PUDP: variants seen among roughly 807,000 people sequenced by gnomAD.
PUDP encodes the protein pseudouridine 5'-phosphatase.
PUDP carries 8 observed loss-of-function variants against 9.4 expected under a neutral mutation model. The ratio of observed to expected loss-of-function variants is 0.85; its 90% CI spans 0.50 to 1.53. The LOEUF is 1.53. Among genes scored for constraint, PUDP ranks in the 40% most tolerant of loss-of-function variants. The pLI, the probability that PUDP is intolerant of heterozygous loss-of-function variation, is 0.00. For missense variants in PUDP, 188 were observed against 189.7 expected (o/e 0.99, Z 0.05); for synonymous variants, 99 against 80.7 (o/e 1.23, Z -1.22).
intron 1 of PUDP, among the ~76,000 whole-genome samples, chrX:7,018,607 T>C (rs1020220206): frequency 8.9e-6 from 1 of 112,754 alleles, no homozygotes; most frequent in Non-Finnish European, 1.9e-5. Flanking sequence ...TTGATTCCCA[T>C]GGAACACAAT....
chrX:6,741,274 G>T (rs1420331764), intron 3 of PUDP, among the ~76,000 whole-genome samples: 2 of 111,198 alleles, frequency 1.8e-5, no homozygotes, highest in African/African-American at 6.6e-5. Flanking sequence ...CAGTTTTTGA[G>T]AATTATCTAT....
intron 1 of PUDP, among the ~76,000 whole-genome samples, chrX:7,142,246 A>C (rs1374792710): frequency 1.8e-5 from 2 of 112,713 alleles, no homozygotes; most frequent in Non-Finnish European, 3.7e-5. Context: ...TTAGCATTCC[A>C]GATGCCATTC....
At chrX:6,983,752 A>T (rs981606407) in intron 1 of PUDP, among the ~76,000 whole-genome samples, 2 of 112,611 alleles carry the variant, frequency 1.8e-5, no homozygotes, top group Non-Finnish European at 3.8e-5. Flanking sequence ...GGCAAGAAAC[A>T]GAAGGCCGAT....
intron 3 of PUDP, among the ~76,000 whole-genome samples, chrX:6,802,228 A>G (rs890025217): frequency 1.2e-4 from 13 of 111,697 alleles, no homozygotes; most frequent in African/African-American, 4.2e-4. Context: ...TACAGGAGGA[A>G]AAACTGAGGC....
intron 1 of PUDP, among the ~76,000 whole-genome samples, chrX:7,013,673 G>A (rs1015275402): frequency 4.5e-5 from 5 of 112,111 alleles, no homozygotes; most frequent in African/African-American, 9.7e-5. Flanking sequence ...TGGCTCGCCC[G>A]CTTGGTCGCT....
intron 1 of PUDP, among the ~76,000 whole-genome samples, chrX:7,010,462 C>T (rs1467854408): frequency 8.9e-6 from 1 of 111,848 alleles, no homozygotes; most frequent in Non-Finnish European, 1.9e-5. Context: ...TGAACAGCCC[C>T]TTTAAAAGTC....
chrX:6,752,018 C>G (rs1925097703), intron 3 of PUDP, among the ~76,000 whole-genome samples: 1 of 111,371 alleles, frequency 9.0e-6, no homozygotes. Flanking sequence ...CTAAATTCCT[C>G]TTCTTCAGTC....
intron 1 of PUDP, among the ~76,000 whole-genome samples, chrX:7,108,241 G>T (rs769807899): frequency 6.0e-4 from 68 of 112,447 alleles, no homozygotes; most frequent in Non-Finnish European, 9.6e-4. Context: ...CAGAGGACTG[G>T]GCTCACTGAC....
intron 3 of PUDP, among the ~76,000 whole-genome samples, chrX:7,062,663 G>A (rs1930437237): frequency 9.1e-6 from 1 of 109,731 alleles, no homozygotes; most frequent in Non-Finnish European, 1.9e-5. Flanking sequence ...GGAGCAAGGG[G>A]TCAGGCTGAG....
At chrX:7,090,888 T>C (rs1441212823) in intron 2 of PUDP, among the ~76,000 whole-genome samples, 1 of 112,444 alleles carries the variant, frequency 8.9e-6, no homozygotes, top group Non-Finnish European at 1.9e-5. Flanking sequence ...CAAAGGTTAC[T>C]ACCACTGGCA....
intron 3 of PUDP, among the ~76,000 whole-genome samples, chrX:6,796,765 TA>T (rs1925850533): frequency 8.9e-6 from 1 of 111,734 alleles, no homozygotes; most frequent in South Asian, 3.7e-4. Context: ...TGTATGTTAA[TA>T]AAAAACAGGA....
chrX:6,898,849 T>G (rs1004052938), intron 3 of PUDP, among the ~76,000 whole-genome samples: 15 of 112,217 alleles, frequency 1.3e-4, no homozygotes, highest in Non-Finnish European at 2.8e-4. Flanking sequence ...AAGGAGGTGG[T>G]GGGCTGGATT....
At chrX:7,134,746 T>C (rs187116871) in intron 1 of PUDP, among the ~76,000 whole-genome samples, 27 of 112,148 alleles carry the variant, frequency 2.4e-4, no homozygotes, top group Non-Finnish European at 4.7e-4. Context: ...AAGGAAATGC[T>C]TTATGTTAAG....
intron 1 of PUDP, among the ~76,000 whole-genome samples, chrX:7,138,931 AAAC>A (rs780043208): frequency 2.8e-4 from 31 of 111,270 alleles, no homozygotes; most frequent in African/African-American, 8.2e-4. Flanking sequence ...TGCTTGATAA[AAAC>A]AACAACAACA....
rs1486741541 is a variant in PUDP, at chrX:7,111,430, G to A, written c.62-5592C>T. Among the ~76,000 whole-genome samples the A allele has an allele frequency of 6.2e-5, 6 of 96,597 alleles. No individual in the cohort carries two copies. The Admixed American group carries it at 7.5e-4, about 12-fold the overall frequency. The allele number at this position is 96,597 out of a possible 115,157, so 83.9% of individuals were successfully genotyped here. ...AAGTTTCTTAGCCTGTCTAACATAC[G>A]ATGTTTATTGGAGAAATGTATTTAA... On this transcript the variant is annotated intron_variant, in intron 1 of 3. Transcript: ENST00000381077.
chrX:6,938,791 T>C (rs1238618099), intron 3 of PUDP, among the ~76,000 whole-genome samples: 4 of 102,427 alleles, frequency 3.9e-5, no homozygotes, highest in Non-Finnish European at 6.0e-5. Context: ...TCTTTCTTTT[T>C]TTTTTTTTTT....
intron 1 of PUDP, among the ~76,000 whole-genome samples, chrX:7,147,141 T>C (rs975301044): frequency 1.8e-5 from 2 of 111,066 alleles, no homozygotes; most frequent in Non-Finnish European, 1.9e-5. Context: ...ACTACCTTAG[T>C]ACACTGCCAA....
chrX:6,912,710 C>T (rs765451729), intron 3 of PUDP, among the ~76,000 whole-genome samples: 1 of 111,831 alleles, frequency 8.9e-6, no homozygotes, highest in African/African-American at 3.2e-5. Flanking sequence ...AAGGAAGAGC[C>T]TAAAGGAAAA....
At chrX:6,905,935 T>C (rs997789753) in intron 3 of PUDP, among the ~76,000 whole-genome samples, 1 of 112,236 alleles carries the variant, frequency 8.9e-6, no homozygotes, top group Non-Finnish European at 1.9e-5. Flanking sequence ...ACCAATAACA[T>C]TGGAAATTTT....
Sources: gnomAD v4.1 joint callset for allele counts (sites outside exome capture counted in the v4.1 genomes callset) on GRCh38, gnomAD v4.1.1 for gene constraint, MANE v1.5 for transcripts, NCBI Gene and HGNC (gene_info 2026-07-23, HGNC 2026-07-21) for gene names.